Variants in PLCB1 observed in about 807,000 individuals in gnomAD.
PLCB1 encodes 1-phosphatidylinositol 4,5-bisphosphate phosphodiesterase beta-1.
Under a neutral mutation model 161.8 loss-of-function variants are expected in PLCB1, and 46 were observed. The ratio of observed to expected loss-of-function variants is 0.28; its 90% confidence interval spans 0.22 to 0.36. The LOEUF (loss-of-function observed/expected upper bound fraction) is 0.36. Ranked by LOEUF, PLCB1 falls within the 10% of genes least tolerant of loss-of-function variation. The pLI, the probability that PLCB1 is intolerant of heterozygous loss-of-function variation, is 1.00. For missense variants in PLCB1, 1,016 were observed against 1,472.5 expected, an observed-to-expected ratio of 0.69 and a Z score of 5.07; for synonymous variants, 517 against 503.7, an observed-to-expected ratio of 1.03 and a Z score of -0.35.
intron 2 of PLCB1, among the ~76,000 whole-genome samples, chr20:8,282,872 T>C (rs1417643949): frequency 6.6e-6 from 1 of 152,200 alleles, no homozygotes; most frequent in Non-Finnish European, 1.5e-5. Flanking sequence ...TGAGTATTAA[T>C]TAGGATATGG....
At chr20:8,848,994 C>T (rs1986793099) in intron 31 of PLCB1, among the ~76,000 whole-genome samples, 1 of 152,164 alleles carries the variant, frequency 6.6e-6, no homozygotes, top group Middle Eastern at 3.2e-3. Flanking sequence ...ATTTTGGGGG[C>T]TTGGAAGCCA....
At chr20:8,177,036 G>T (rs1432236012) in intron 2 of PLCB1, among the ~76,000 whole-genome samples, 5 of 152,084 alleles carry the variant, frequency 3.3e-5, no homozygotes, top group African/African-American at 1.2e-4. Flanking sequence ...GTCAATGTTT[G>T]TTGGTATTAA....
rs149697004 is a variant in PLCB1 at position 8,226,757 on chromosome 20, G to A, written c.177+76386G>A. On this transcript the variant is annotated intron_variant, in intron 2 of 31. Coordinates refer to ENST00000338037, the MANE Select transcript of PLCB1 (RefSeq NM_015192.4). Reference sequence around the variant, plus strand: ...GGCTGGAGTGCAGTGGCGCAATCTCGGCTCACTGCAACCTCCACCCTCTGA... The same window carrying A: ...GGCTGGAGTGCAGTGGCGCAATCTCAGCTCACTGCAACCTCCACCCTCTGA... Among the ~76,000 whole-genome samples, 326 of 150,474 alleles carry A rather than the reference G, an allele frequency of 2.2e-3. 2 individuals are homozygous for A. The highest frequency in any genetic ancestry group is 0.017 in the Middle Eastern group (5 of 292).
intron 3 of PLCB1, among the ~76,000 whole-genome samples, chr20:8,433,674 G>A (rs1462416323): frequency 6.8e-6 from 1 of 146,608 alleles, no homozygotes; most frequent in East Asian, 1.9e-4. Flanking sequence ...TAGAGTTAAT[G>A]TTCAGTAAAT....
chr20:8,722,288 G>A, intron 14 of PLCB1, 66 bp from the exon 15 acceptor site: 1 of 1,215,184 alleles, frequency 8.2e-7, no homozygotes, highest in Non-Finnish European at 1.2e-6. Context: ...TAAAATATGT[G>A]TTACAAATGC....
intron 31 of PLCB1, among the ~76,000 whole-genome samples, chr20:8,880,462 C>T (rs963021417): frequency 1.3e-5 from 2 of 152,030 alleles, no homozygotes; most frequent in African/African-American, 2.4e-5. Context: ...CATTAAGAGA[C>T]AGTTTAAAGG....
chr20:8,750,852 G>A (rs1436147974), intron 23 of PLCB1: 2 of 1,365,214 alleles, frequency 1.5e-6, no homozygotes, highest in Non-Finnish European at 2.0e-6. Context: ...TAATACGCTG[G>A]AAAAACTGAT....
chr20:8,232,501 T>G (rs529516037), intron 2 of PLCB1, among the ~76,000 whole-genome samples: 148 of 152,288 alleles, frequency 9.7e-4, no homozygotes, highest in African/African-American at 3.2e-3. Context: ...GGTGACCTAG[T>G]TTAGCTCTAC....
Position 8,417,073 on chromosome 20 carries a change from A to ATTTTT in PLCB1, c.246+45650_246+45654dup, listed in dbSNP as rs3031852. Among the ~76,000 whole-genome samples, 66 of 39,886 alleles carry ATTTTT rather than the reference A, an allele frequency of 1.7e-3. 5 individuals are homozygous for ATTTTT. Among genetic ancestry groups the ATTTTT allele is most frequent in the East Asian group, 4.2e-3 (3 of 716 alleles). 26.2% of individuals were successfully genotyped at this position (39,886 alleles called of 152,430 possible). ...CACACACATATATATATATATATATATTTTTTTTTTTTTTTTTTTTTTTTT... is the reference window on the plus strand; with the variant it reads ...CACACACATATATATATATATATATATTTTTTTTTTTTTTTTTTTTTTTTTTTTTT... On this transcript the variant is annotated intron_variant, in intron 3 of 31. Transcript: ENST00000338037.
chr20:8,389,058 AT>A, intron 3 of PLCB1, among the ~76,000 whole-genome samples: 1 of 152,298 alleles, frequency 6.6e-6, no homozygotes, highest in Non-Finnish European at 1.5e-5. Flanking sequence ...ACAAGATAAG[AT>A]TTTTAAAGCT....
At chr20:8,485,518 T>C (rs1398204319) in intron 3 of PLCB1, among the ~76,000 whole-genome samples, 1 of 152,228 alleles carries the variant, frequency 6.6e-6, no homozygotes, top group Non-Finnish European at 1.5e-5. Context: ...GGTTTAGTGA[T>C]GTTAATGCTA....
In PLCB1 at chr20:8,415,371, CATT is replaced by C. The variant is rs769244768; in HGVS notation, c.246+43924_246+43926del. Among the ~76,000 whole-genome samples the C allele has an allele frequency of 3.9e-5, 6 of 152,276 alleles. No homozygotes were observed. In the East Asian group the frequency reaches 1.2e-3, roughly 29 times the overall value. ...CATTAAAAAGTTTAAAGGAAGGAAA[CATT>C]ATAAGTGTTCGAACTAGAAAATGAT... On this transcript the variant is annotated intron_variant, in intron 3 of 31. Transcript: ENST00000338037.
intron 4 of PLCB1, among the ~76,000 whole-genome samples, chr20:8,638,085 G>A (rs1296691483): frequency 6.6e-6 from 1 of 152,054 alleles, no homozygotes; most frequent in African/African-American, 2.4e-5. Context: ...TAGTAGAGAC[G>A]GGGTTTCACC....
At chr20:8,428,694 C>T (rs6055810) in intron 3 of PLCB1, among the ~76,000 whole-genome samples, 14,368 of 152,064 alleles carry the variant, frequency 0.094, 744 homozygotes, top group African/African-American at 0.11. Context: ...GAATTGTGGC[C>T]GATTGAATAG....
At chr20:8,628,662 C>A in intron 4 of PLCB1, 1 of 434,786 alleles carries the variant, frequency 2.3e-6, no homozygotes, top group Non-Finnish European at 4.2e-6. Context: ...TGGCCGGGCA[C>A]GGTGGCTCAT....
intron 23 of PLCB1, among the ~76,000 whole-genome samples, chr20:8,744,593 G>A (rs1403553928): frequency 6.3e-5 from 4 of 63,558 alleles, no homozygotes; most frequent in Non-Finnish European, 1.1e-4. Flanking sequence ...GGGCCACAGA[G>A]ACCATGTCTC....
chr20:8,779,415 A>G (rs1454764151), intron 27 of PLCB1, among the ~76,000 whole-genome samples: 1 of 151,530 alleles, frequency 6.6e-6, no homozygotes, highest in Non-Finnish European at 1.5e-5. Flanking sequence ...CTATCAATCG[A>G]TAAGCACCTA....
At chr20:8,574,616 G>A (rs951801727) in intron 3 of PLCB1, among the ~76,000 whole-genome samples, 86 of 152,202 alleles carry the variant, frequency 5.7e-4, no homozygotes, top group African/African-American at 1.9e-3. Context: ...GGGAAGTGAT[G>A]TAGTCAATAA....
At chr20:8,682,231 C>T (rs902867421) in intron 9 of PLCB1, among the ~76,000 whole-genome samples, 8 of 152,098 alleles carry the variant, frequency 5.3e-5, no homozygotes, top group African/African-American at 1.2e-4. Context: ...CCCAGCTCAG[C>T]GGCTCACGCC....
Sources: allele counts gnomAD v4.1 joint callset (sites outside exome capture counted in the v4.1 genomes callset), GRCh38; gene constraint gnomAD v4.1.1; transcripts MANE v1.5; gene names NCBI Gene and HGNC (gene_info 2026-07-23, HGNC 2026-07-21).